NPAS3: variants seen among roughly 807,000 people sequenced by gnomAD.
The protein encoded by NPAS3 is neuronal PAS domain-containing protein 3.
A neutral mutation model predicts 73.1 loss-of-function variants in NPAS3; 14 were observed. That is an observed-to-expected ratio of 0.19 (90% CI 0.13 to 0.30). NPAS3 has a LOEUF of 0.30. NPAS3 is among the 10% of genes least tolerant of loss of function. NPAS3 has a pLI of 1.00. For synonymous variants in NPAS3, 620 were observed against 541.5 expected, an observed-to-expected ratio of 1.14 and a Z score of -2.01; for missense variants, 1,096 against 1,250.0, an observed-to-expected ratio of 0.88 and a Z score of 1.86.
chr14:33,328,230 G>A (rs2140263667), intron 3 of NPAS3, among the ~76,000 whole-genome samples: 1 of 151,904 alleles, frequency 6.6e-6, no homozygotes, highest in East Asian at 1.9e-4. Context: ...ATCCGAGCAT[G>A]GTTCCTCTCA....
At chr14:33,727,446 G>A (rs1431254076) in intron 6 of NPAS3, among the ~76,000 whole-genome samples, 2 of 152,080 alleles carry the variant, frequency 1.3e-5, no homozygotes, top group Non-Finnish European at 2.9e-5. Flanking sequence ...TGTTCTCTGT[G>A]TTAGCTATTC....
intron 1 of NPAS3, among the ~76,000 whole-genome samples, chr14:33,054,605 CT>C (rs2040817606): frequency 7.9e-6 from 1 of 126,386 alleles, no homozygotes; most frequent in African/African-American, 3.1e-5. Flanking sequence ...TTAGAAAAAA[CT>C]TATCTGAGTT....
At chr14:33,382,985 G>A (rs148386180) in intron 4 of NPAS3, among the ~76,000 whole-genome samples, 2 of 151,536 alleles carry the variant, frequency 1.3e-5, no homozygotes, top group Non-Finnish European at 2.9e-5. Context: ...TACTTTGGAG[G>A]CTGAGGCAGG....
At chr14:33,575,543 T>A (rs1223999161) in intron 5 of NPAS3, among the ~76,000 whole-genome samples, 1 of 152,194 alleles carries the variant, frequency 6.6e-6, no homozygotes, top group African/African-American at 2.4e-5. Context: ...TGTGTCTTTG[T>A]ACTATCAGAA....
chr14:33,296,883 G>A (rs2042323559), intron 3 of NPAS3, among the ~76,000 whole-genome samples: 1 of 152,158 alleles, frequency 6.6e-6, no homozygotes, highest in African/African-American at 2.4e-5. Context: ...GCTGATGACT[G>A]TGGCTAACTA....
intron 3 of NPAS3, among the ~76,000 whole-genome samples, chr14:33,308,943 C>G (rs2042893690): frequency 6.6e-6 from 1 of 152,034 alleles, no homozygotes; most frequent in African/African-American, 2.4e-5. Context: ...GTGCTAGGAA[C>G]TGTGACGTAG....
chr14:33,119,142 A>G (rs910876851), intron 2 of NPAS3, among the ~76,000 whole-genome samples: 5 of 152,130 alleles, frequency 3.3e-5, no homozygotes, highest in African/African-American at 1.2e-4. Context: ...AGCAGTTGGT[A>G]TCATGTAATG....
chr14:33,027,329 G>A (rs957722168), intron 1 of NPAS3, among the ~76,000 whole-genome samples: 3 of 152,148 alleles, frequency 2.0e-5, no homozygotes, highest in African/African-American at 7.2e-5. Context: ...CTTGGGCTCT[G>A]AGTCAGGAGG....
At chr14:33,084,516 T>A (rs2041959387) in intron 2 of NPAS3, among the ~76,000 whole-genome samples, 2 of 152,196 alleles carry the variant, frequency 1.3e-5, no homozygotes, top group African/African-American at 4.8e-5. Context: ...TTTGGCATCC[T>A]AAAATAATTT....
chr14:33,240,284 A>C (rs935193231), intron 3 of NPAS3, among the ~76,000 whole-genome samples: 3 of 151,870 alleles, frequency 2.0e-5, no homozygotes, highest in Non-Finnish European at 4.4e-5. Flanking sequence ...ATAGTTTACT[A>C]CTCAACATAT....
intron 5 of NPAS3, among the ~76,000 whole-genome samples, chr14:33,631,432 C>G (rs911752456): frequency 9.8e-5 from 15 of 152,292 alleles, no homozygotes; most frequent in African/African-American, 3.4e-4. Flanking sequence ...GCTATGAAAG[C>G]CTTCAAAACC....
chr14:33,088,415 C>T (rs1595418076), intron 2 of NPAS3, among the ~76,000 whole-genome samples: 1 of 152,348 alleles, frequency 6.6e-6, no homozygotes, highest in African/African-American at 2.4e-5. Context: ...CGGAGGGTCC[C>T]ACGCCCACAG....
At chr14:33,408,885 G>C (rs2047787825) in intron 4 of NPAS3, among the ~76,000 whole-genome samples, 1 of 152,162 alleles carries the variant, frequency 6.6e-6, no homozygotes, top group African/African-American at 2.4e-5. Flanking sequence ...GAGTCCTCCA[G>C]AGGAAAGTGG....
At chr14:33,795,297 C>G (rs912531573) in intron 10 of NPAS3, among the ~76,000 whole-genome samples, 12 of 152,142 alleles carry the variant, frequency 7.9e-5, no homozygotes, top group African/African-American at 2.9e-4. Context: ...TTAATTCTCT[C>G]TAAAGGTAAA....
At chr14:33,152,103 C>A (rs928690803) in intron 2 of NPAS3, among the ~76,000 whole-genome samples, 1 of 152,050 alleles carries the variant, frequency 6.6e-6, no homozygotes, top group Admixed American at 6.6e-5. Flanking sequence ...ATGGGGTCTT[C>A]TCCTTGTATC....
intron 2 of NPAS3, among the ~76,000 whole-genome samples, chr14:33,126,041 G>A (rs1279312): frequency 0.097 from 14,764 of 152,228 alleles, 973 homozygotes; most frequent in African/African-American, 0.18. Context: ...CTTCAGCTGT[G>A]TGAATGGGCC....
At chr14:33,459,373 G>GA (rs975206969) in intron 4 of NPAS3, among the ~76,000 whole-genome samples, 1 of 152,218 alleles carries the variant, frequency 6.6e-6, no homozygotes, top group Non-Finnish European at 1.5e-5. Flanking sequence ...AATGGGATAA[G>GA]AAAACTATAA....
chr14:33,634,513 C>A (rs1015407860), intron 5 of NPAS3, among the ~76,000 whole-genome samples: 1 of 152,148 alleles, frequency 6.6e-6, no homozygotes, highest in East Asian at 1.9e-4. Flanking sequence ...CCATAGTCCA[C>A]GTATAAAAAA....
At chr14:32,972,970 T>C (rs915439726) in intron 1 of NPAS3, among the ~76,000 whole-genome samples, 6 of 152,216 alleles carry the variant, frequency 3.9e-5, no homozygotes, top group African/African-American at 1.4e-4. Context: ...TTTTACAAGG[T>C]AGATACTGCT....
Sources: gnomAD v4.1 joint callset for allele counts (sites outside exome capture counted in the v4.1 genomes callset) on GRCh38, gnomAD v4.1.1 for gene constraint, MANE v1.5 for transcripts, NCBI Gene and HGNC (gene_info 2026-07-23, HGNC 2026-07-21) for gene names.